The following KIF5C variants were observed in gnomAD, a reference collection of about 807,000 sequenced individuals.
KIF5C encodes kinesin family member 5C, also known as kinesin heavy chain isoform 5C.
A neutral mutation model predicts 125.2 loss-of-function variants in KIF5C; 18 were observed. The ratio of observed to expected loss-of-function variants is 0.14; its 90% CI spans 0.10 to 0.21. KIF5C has a LOEUF of 0.21. Among genes scored for constraint, KIF5C ranks in the 10% least tolerant of loss-of-function variants. The probability of loss-of-function intolerance (pLI) is 1.00; values close to 1 mark genes in which losing one functional copy is unlikely to be tolerated. For missense variants in KIF5C, 780 were observed against 1,183.8 expected (o/e 0.66, Z 5.01); for synonymous variants, 405 against 434.0 (o/e 0.93, Z 0.83).
At chr2:149,009,436 C>T (rs1176844906) in intron 23 of KIF5C, among the ~76,000 whole-genome samples, 1 of 152,166 alleles carries the variant, frequency 6.6e-6, no homozygotes, top group Non-Finnish European at 1.5e-5. Context: ...TCAAAACTCC[C>T]TCCATCCATC....
chr2:149,001,495 T>C (rs1681850121), intron 21 of KIF5C, among the ~76,000 whole-genome samples: 3 of 152,198 alleles, frequency 2.0e-5, no homozygotes, highest in Admixed American at 6.5e-5. Context: ...GCTTCAGTGA[T>C]TCAGGCCAGG....
intron 1 of KIF5C, among the ~76,000 whole-genome samples, chr2:148,918,673 G>C (rs552429348): frequency 6.6e-6 from 1 of 152,194 alleles, no homozygotes; most frequent in African/African-American, 2.4e-5. Context: ...AGAAAAGTCC[G>C]TGGGGCCACA....
At chr2:148,946,855 A>T in intron 7 of KIF5C, 44 bp from the exon 8 acceptor site, 1 of 1,601,326 alleles carries the variant, frequency 6.2e-7, no homozygotes, top group Non-Finnish European at 8.5e-7. Flanking sequence ...TGCTACCTAA[A>T]CCTACATGTT....
rs371170853 is a variant in KIF5C, at chr2:148,961,296, TG to T, written c.969-667del. Among the ~76,000 whole-genome samples the T allele has an allele frequency of 7.3e-4, 110 of 150,806 alleles. 1 individual carries two copies. The highest frequency in any genetic ancestry group is 2.7e-3 in the Admixed American group (41 of 15,170). On this transcript the variant is annotated intron_variant, in intron 10 of 25. Coordinates refer to ENST00000435030, the MANE Select transcript of KIF5C (RefSeq NM_004522.3). ...ACCGCATGGTGATGACGGGCTGTGA[TG>T]GGGGGGGCGGGTGTGTGCTCAGCAG...
At chr2:148,935,108 T>C in intron 3 of KIF5C, 1 of 384,142 alleles carries the variant, frequency 2.6e-6, no homozygotes. Flanking sequence ...ATGAGAACAC[T>C]CACTTTTCTC....
chr2:148,897,553 T>G (rs769088160), intron 1 of KIF5C, among the ~76,000 whole-genome samples: 1 of 152,186 alleles, frequency 6.6e-6, no homozygotes, highest in Non-Finnish European at 1.5e-5. Flanking sequence ...CCAGACACTA[T>G]GCTAGGTACC....
intron 2 of KIF5C, among the ~76,000 whole-genome samples, chr2:148,927,487 T>G (rs1232477088): frequency 1.4e-4 from 11 of 80,836 alleles, no homozygotes; most frequent in Admixed American, 4.4e-4. Context: ...CCTTTCAGGG[T>G]GTGTGTGTGT....
chr2:148,967,588 G>A (rs1344419195), intron 11 of KIF5C, among the ~76,000 whole-genome samples: 1 of 152,134 alleles, frequency 6.6e-6, no homozygotes, highest in Non-Finnish European at 1.5e-5. Context: ...AGGAAGTTGA[G>A]GTGCTATTTT....
chr2:148,972,393 T>C (rs1489261950), intron 11 of KIF5C, among the ~76,000 whole-genome samples: 1 of 152,200 alleles, frequency 6.6e-6, no homozygotes, highest in Non-Finnish European at 1.5e-5. Context: ...GTAAACATTG[T>C]GATGGAAAAG....
rs1014671859 is a variant in KIF5C at position 149,025,828 on chromosome 2, T to C, written c.*2758T>C. On this transcript the variant is annotated 3_prime_UTR_variant, in exon 26 of 26. Transcript: ENST00000435030. ...TTTTGTCAATTACTAGAGAATTCTG[T>C]GCAAACATATCATCTCTTCAAATGC... is the stretch of plus-strand genomic sequence containing the variant. 3.3e-5 allele frequency: 5 copies of C among 152,654 alleles called. No homozygotes were observed. The highest frequency in any genetic ancestry group is 9.6e-5 in the African/African-American group (4 of 41,464). 9.5% of individuals were successfully genotyped at this position (152,654 alleles called of 1,614,324 possible).
At chr2:148,885,174 C>T (rs1574688795) in intron 1 of KIF5C, among the ~76,000 whole-genome samples, 5 of 152,204 alleles carry the variant, frequency 3.3e-5, no homozygotes, top group Middle Eastern at 3.4e-3. Flanking sequence ...TTAGTAGAGA[C>T]GGGGTTTCAC....
At chr2:148,976,741 AT>A (rs58128251) in intron 12 of KIF5C, among the ~76,000 whole-genome samples, 6,689 of 145,232 alleles carry the variant, frequency 0.046, 501 homozygotes, top group African/African-American at 0.16. Context: ...CACTCAGCTA[AT>A]TTTTTTTTTT....
intron 15 of KIF5C, 22 bp from the exon 16 acceptor site, chr2:148,990,988 G>A (rs773041748): frequency 5.0e-6 from 8 of 1,605,668 alleles, no homozygotes; most frequent in Admixed American, 1.7e-5. Context: ...CAACATTTGA[G>A]TGTGTCCCCT....
At chr2:148,978,341 T>TG (rs1273856802) in intron 12 of KIF5C, among the ~76,000 whole-genome samples, 13 of 136,918 alleles carry the variant, frequency 9.5e-5, no homozygotes, top group Non-Finnish European at 1.4e-4. Context: ...GAGGTTTTTT[T>TG]TTTTTTTTTT....
chr2:148,964,864 A>G (rs1006090482), intron 11 of KIF5C, among the ~76,000 whole-genome samples: 3 of 152,048 alleles, frequency 2.0e-5, no homozygotes, highest in Non-Finnish European at 2.9e-5. Context: ...TTGAAGATCC[A>G]TTGGCTGTAT....
intron 11 of KIF5C, among the ~76,000 whole-genome samples, chr2:148,970,996 T>G (rs1574800082): frequency 6.6e-6 from 1 of 152,336 alleles, no homozygotes; most frequent in East Asian, 1.9e-4. Flanking sequence ...AATTTCATCT[T>G]TGTCATGCGT....
intron 15 of KIF5C, among the ~76,000 whole-genome samples, chr2:148,985,470 T>C (rs1681356125): frequency 6.6e-6 from 1 of 152,214 alleles, no homozygotes; most frequent in Admixed American, 6.5e-5. Flanking sequence ...GGTCTCTCTA[T>C]TTTGTTTCAT....
intron 1 of KIF5C, among the ~76,000 whole-genome samples, chr2:148,913,241 T>C (rs937348426): frequency 6.6e-6 from 1 of 152,308 alleles, no homozygotes; most frequent in South Asian, 2.1e-4. Flanking sequence ...TATGGTGTTA[T>C]GGGTAGAAGG....
At chr2:149,007,515 G>T (rs949312076) in intron 22 of KIF5C, among the ~76,000 whole-genome samples, 10 of 152,210 alleles carry the variant, frequency 6.6e-5, no homozygotes, top group Non-Finnish European at 1.3e-4. Flanking sequence ...AGACTTCCCA[G>T]TGGGACCATA....
Sources: gnomAD v4.1 joint callset for allele counts (sites outside exome capture counted in the v4.1 genomes callset) on GRCh38, gnomAD v4.1.1 for gene constraint, MANE v1.5 for transcripts, NCBI Gene and HGNC (gene_info 2026-07-23, HGNC 2026-07-21) for gene names.